The following SYN3 variants were observed in gnomAD, a reference collection of about 807,000 sequenced individuals.
The protein encoded by SYN3 is synapsin III, also known as synapsin-3.
SYN3 carries 35 observed loss-of-function variants against 65.8 expected under a neutral mutation model. The observed-to-expected ratio is 0.53, with a 90% CI of 0.41 to 0.70. The LOEUF (loss-of-function observed/expected upper bound fraction) is 0.70, where lower values mean the gene tolerates loss of function less well. SYN3 is among the 30% of genes least tolerant of loss of function. The pLI, the probability that SYN3 is intolerant of heterozygous loss-of-function variation, is 0.00. For synonymous variants in SYN3, 270 were observed against 292.9 expected (o/e 0.92, Z 0.80); for missense variants, 680 against 749.0 (o/e 0.91, Z 1.08).
intron 7 of SYN3, among the ~76,000 whole-genome samples, chr22:32,547,947 G>A (rs376014233): frequency 6.6e-6 from 1 of 152,210 alleles, no homozygotes; most frequent in Non-Finnish European, 1.5e-5. Context: ...TATGGAGTAA[G>A]TCTTAGCCCT....
chr22:32,518,122 G>C lies in SYN3; in HGVS notation c.1531C>G (p.Arg511Gly). The C allele has an allele frequency of 1.9e-6, 3 of 1,600,880 alleles. No homozygotes were observed. The highest frequency in any genetic ancestry group is 2.6e-6 in the Non-Finnish European group (3 of 1,173,500). ...GTACTACGGCCCTGCACAGGGGGCC[G>C]GGGCTGTGAGGCGAGGGTGGCACCT... ...KPGATLASQP[R>G]PPVQGRSTSQ... is the part of the protein sequence containing the mutation. Residue 511 changes from arginine to glycine, a missense_variant, in exon 13 of 14, where the codon CGG becomes GGG. Coordinates refer to ENST00000358763, the MANE Select transcript of SYN3 (RefSeq NM_003490.4).
At chr22:32,625,018 C>T (rs577782251) in intron 6 of SYN3, among the ~76,000 whole-genome samples, 5 of 152,302 alleles carry the variant, frequency 3.3e-5, no homozygotes, top group South Asian at 2.1e-4. Flanking sequence ...CATTCTAAAC[C>T]TTCTCCTATC....
At chr22:32,561,785 C>T (rs1368375696) in intron 7 of SYN3, among the ~76,000 whole-genome samples, 3 of 152,184 alleles carry the variant, frequency 2.0e-5, no homozygotes, top group South Asian at 2.1e-4. Flanking sequence ...GGAGAGTTTG[C>T]AGGCCAGGCT....
chr22:32,553,198 A>G (rs1000282125), intron 7 of SYN3, among the ~76,000 whole-genome samples: 1 of 152,256 alleles, frequency 6.6e-6, no homozygotes, highest in Admixed American at 6.5e-5. Flanking sequence ...GCTCCAACAT[A>G]TGGGCTTTAC....
intron 6 of SYN3, among the ~76,000 whole-genome samples, chr22:32,842,773 G>A (rs2047949386): frequency 6.6e-6 from 1 of 152,114 alleles, no homozygotes; most frequent in Non-Finnish European, 1.5e-5. Flanking sequence ...GGAGCACAAA[G>A]GTCTAAACAG....
At chr22:32,852,866 G>A (rs182500855) in intron 6 of SYN3, among the ~76,000 whole-genome samples, 1 of 152,290 alleles carries the variant, frequency 6.6e-6, no homozygotes, top group East Asian at 1.9e-4. Flanking sequence ...AAGCTGTGGG[G>A]ACCTTATCTC....
chr22:32,771,996 G>T (rs1319786265), intron 6 of SYN3, among the ~76,000 whole-genome samples: 3 of 152,118 alleles, frequency 2.0e-5, no homozygotes, highest in African/African-American at 7.2e-5. Context: ...GGGTGGTTGT[G>T]TGCATGAGGC....
chr22:32,546,476 C>T (rs757286889), intron 7 of SYN3, among the ~76,000 whole-genome samples: 18 of 152,134 alleles, frequency 1.2e-4, no homozygotes, highest in Non-Finnish European at 2.5e-4. Flanking sequence ...CTGCCTGCCT[C>T]ACAAGTTCTT....
intron 4 of SYN3, among the ~76,000 whole-genome samples, chr22:32,916,255 G>C (rs971757931): frequency 2.6e-5 from 4 of 152,214 alleles, no homozygotes; most frequent in Admixed American, 6.5e-5. Flanking sequence ...TGGAGCAGAA[G>C]AACCACCCAG....
At chr22:33,045,877 T>C (rs748984582) in intron 1 of SYN3, among the ~76,000 whole-genome samples, 12 of 151,930 alleles carry the variant, frequency 7.9e-5, no homozygotes, top group Admixed American at 3.3e-4. Flanking sequence ...TTTCCCCCAC[T>C]ATGGCTCTCT....
intron 6 of SYN3, among the ~76,000 whole-genome samples, chr22:32,819,609 G>T (rs983237472): frequency 1.3e-5 from 2 of 152,230 alleles, no homozygotes; most frequent in African/African-American, 2.4e-5. Flanking sequence ...ATCAGCTGTG[G>T]CCTCTACAGC....
chr22:33,034,392 GC>G (rs2053815039), intron 1 of SYN3, among the ~76,000 whole-genome samples: 1 of 151,566 alleles, frequency 6.6e-6, no homozygotes, highest in African/African-American at 2.4e-5. Context: ...GATTACAGGT[GC>G]CCATCGCCAC....
intron 6 of SYN3, among the ~76,000 whole-genome samples, chr22:32,739,651 C>T (rs1240338945): frequency 6.6e-6 from 1 of 152,184 alleles, no homozygotes; most frequent in African/African-American, 2.4e-5. Flanking sequence ...TTCCCTGATC[C>T]CCCACCTCCA....
chr22:32,870,861 G>C (rs935981777), intron 4 of SYN3, among the ~76,000 whole-genome samples: 4 of 152,116 alleles, frequency 2.6e-5, no homozygotes, highest in Non-Finnish European at 5.9e-5. Flanking sequence ...AAACAAAATA[G>C]GGTCTCCAGT....
chr22:32,545,749 C>T (rs376853163), intron 7 of SYN3, among the ~76,000 whole-genome samples: 2 of 152,190 alleles, frequency 1.3e-5, no homozygotes, highest in African/African-American at 4.8e-5. Flanking sequence ...TTAGTAGAGA[C>T]GTGGTTTCAC....
chr22:32,794,586 T>A (rs2046389071), intron 6 of SYN3, among the ~76,000 whole-genome samples: 1 of 152,170 alleles, frequency 6.6e-6, no homozygotes, highest in Non-Finnish European at 1.5e-5. Context: ...ACTATGTGCA[T>A]ATGATGTGTT....
chr22:33,030,370 A>C (rs568561765), intron 1 of SYN3, among the ~76,000 whole-genome samples: 1 of 152,342 alleles, frequency 6.6e-6, no homozygotes, highest in East Asian at 1.9e-4. Flanking sequence ...AAATGAGGGG[A>C]AAACACCAGT....
At position 32,637,389 on chromosome 22, in the gene SYN3, C is replaced by T. The variant is rs568885691; in HGVS notation, c.712-40653G>A. Among the ~76,000 whole-genome samples the T allele has an allele frequency of 2.0e-5, 3 of 152,272 alleles. No homozygotes were observed. In the South Asian group the frequency reaches 6.2e-4, roughly 32 times the overall value. On this transcript the variant is annotated intron_variant, in intron 6 of 13. Transcript: ENST00000358763. Reference sequence around the variant, plus strand: ...TTATATCTAATGTGTTTAAAGTCTGCCGAATACACAGTCTGCGTGGTGGAT... The same window carrying T: ...TTATATCTAATGTGTTTAAAGTCTGTCGAATACACAGTCTGCGTGGTGGAT...
chr22:32,740,516 A>G (rs1025426975), intron 6 of SYN3, among the ~76,000 whole-genome samples: 5 of 152,186 alleles, frequency 3.3e-5, no homozygotes, highest in South Asian at 2.1e-4. Context: ...CATATGCAAA[A>G]TAGCAGAGTT....
Sources: gnomAD v4.1 joint callset for allele counts (sites outside exome capture counted in the v4.1 genomes callset) on GRCh38, gnomAD v4.1.1 for gene constraint, MANE v1.5 for transcripts, NCBI Gene and HGNC (gene_info 2026-07-23, HGNC 2026-07-21) for gene names.